The following LRBA variants were observed in gnomAD, a reference collection of about 807,000 sequenced individuals.
The protein encoded by LRBA is LPS responsive beige-like anchor protein, also known as lipopolysaccharide-responsive and beige-like anchor protein.
In LRBA, 176 loss-of-function variants were observed where a neutral mutation model predicts 330.0. The observed-to-expected ratio is 0.53, with a 90% CI of 0.47 to 0.60. The LOEUF (loss-of-function observed/expected upper bound fraction) is 0.60. Ranked by LOEUF, LRBA falls within the 20% of genes least tolerant of loss-of-function variation. The pLI, the probability that LRBA is intolerant of heterozygous loss-of-function variation, is 0.00. For missense variants in LRBA, 3,259 were observed against 3,444.8 expected, an observed-to-expected ratio of 0.95 and a Z score of 1.35; for synonymous variants, 1,230 against 1,193.0, an observed-to-expected ratio of 1.03 and a Z score of -0.64.
intron 44 of LRBA, among the ~76,000 whole-genome samples, chr4:150,453,814 G>C (rs1378917385): frequency 6.6e-6 from 1 of 152,112 alleles, no homozygotes; most frequent in Admixed American, 6.5e-5. Flanking sequence ...ACACCAGCAA[G>C]TGTTATACAT....
At chr4:150,850,927 T>C (rs1472031165) in intron 23 of LRBA, 25 bp from the exon 24 acceptor site, 3 of 1,556,946 alleles carry the variant, frequency 1.9e-6, no homozygotes, top group Non-Finnish European at 1.8e-6. Flanking sequence ...TAAAAAGTAA[T>C]AAAATAGGTT....
At chr4:150,622,708 T>G (rs1383933145) in intron 37 of LRBA, among the ~76,000 whole-genome samples, 1 of 48,888 alleles carries the variant, frequency 2.0e-5, no homozygotes, top group East Asian at 9.2e-4. Flanking sequence ...TTTTTTTTTT[T>G]TTTTTTTTGA....
chr4:150,900,108 T>C lies in LRBA; in HGVS notation c.1865A>G (p.Lys622Arg), dbSNP rs145051647. ...AGGATTCACTGCCCAGTAGTAGTAC[T>C]TCAGCGTGTGCATGATGAGAAGCAC... Reference protein sequence around the residue: ...GTVLLIMHTLKYYYWAVNPQD... With the variant: ...GTVLLIMHTLRYYYWAVNPQD... The change falls in exon 14 of 57, where the codon AAG becomes AGG. Residue 622 changes from lysine to arginine, a missense_variant. Transcript: ENST00000651943. 2.0e-5 allele frequency: 32 copies of C among 1,613,452 alleles called. No homozygotes were observed. The African/African-American group carries it at 3.3e-4, about 17-fold the overall frequency.
intron 47 of LRBA, among the ~76,000 whole-genome samples, 178 bp from the exon 48 acceptor site, chr4:150,350,337 C>T (rs1433737292): frequency 1.3e-5 from 2 of 152,024 alleles, no homozygotes; most frequent in African/African-American, 2.4e-5. Context: ...TCTGGGAGGC[C>T]GAGGTGGGCA....
At chr4:150,469,403 A>T (rs1755828869) in intron 43 of LRBA, among the ~76,000 whole-genome samples, 1 of 152,178 alleles carries the variant, frequency 6.6e-6, no homozygotes, top group South Asian at 2.1e-4. Context: ...TACTTAAAGG[A>T]CACTGCAGGC....
intron 13 of LRBA, 89 bp downstream of exon 13, chr4:150,905,749 A>G: frequency 8.2e-7 from 1 of 1,226,134 alleles, no homozygotes; most frequent in Non-Finnish European, 1.1e-6. Context: ...TAGTACATAA[A>G]AAAAAGAAAA....
chr4:150,789,249 A>G (rs890751212), intron 34 of LRBA, among the ~76,000 whole-genome samples: 1 of 152,146 alleles, frequency 6.6e-6, no homozygotes, highest in Non-Finnish European at 1.5e-5. Context: ...AGTACTAGAA[A>G]ACCAAATAAA....
At chr4:150,634,576 A>G (rs1314680826) in intron 37 of LRBA, among the ~76,000 whole-genome samples, 1 of 152,226 alleles carries the variant, frequency 6.6e-6, no homozygotes, top group Non-Finnish European at 1.5e-5. Context: ...GTCCATTTGA[A>G]CAGTAATAAG....
chr4:150,491,045 A>G lies in LRBA; in HGVS notation c.6331-10T>C. 1.5e-6 allele frequency: 2 copies of G among 1,373,316 alleles called. No homozygotes were observed. The highest frequency in any genetic ancestry group is 2.0e-6 in the Non-Finnish European group (2 of 986,018). The allele number at this position is 1,373,316 out of a possible 1,614,324, so 85.1% of individuals were successfully genotyped here. On this transcript the variant is annotated splice_polypyrimidine_tract_variant and intron_variant, in intron 40 of 56. Transcript: ENST00000651943. ...CTGTATATGCCAAGATCTAATGAGG[A>G]AAAAAATAATCCCAGGTAAGTAACA...
At chr4:150,650,843 T>C (rs1486031680) in intron 37 of LRBA, among the ~76,000 whole-genome samples, 2 of 152,126 alleles carry the variant, frequency 1.3e-5, no homozygotes, top group African/African-American at 4.8e-5. Flanking sequence ...ATCCATATTA[T>C]AATCCTTCCA....
At chr4:150,776,349 A>G (rs1737328361) in intron 34 of LRBA, among the ~76,000 whole-genome samples, 1 of 152,164 alleles carries the variant, frequency 6.6e-6, no homozygotes, top group Non-Finnish European at 1.5e-5. Context: ...TAGTAATTCA[A>G]GCATATCACT....
At chr4:150,998,981 G>A (rs894206357) in intron 2 of LRBA, among the ~76,000 whole-genome samples, 8 of 152,092 alleles carry the variant, frequency 5.3e-5, no homozygotes, top group Non-Finnish European at 8.8e-5. Flanking sequence ...TCATCACTTC[G>A]TTATACCTTA....
rs116082801 is a variant in LRBA, at chr4:150,885,869, T to C, written c.2165+7183A>G. On this transcript the variant is annotated intron_variant, in intron 17 of 56. Transcript: ENST00000651943. ...ATCCAGGATAAGTATCCTCTAAAAA[T>C]GGAAGCAAATAAAAGTATTCTGAGA... 4.2e-3 allele frequency among the ~76,000 whole-genome samples: 642 copies of C among 152,094 alleles called. 4 individuals are homozygous for C. The highest frequency in any genetic ancestry group is 0.015 in the African/African-American group (620 of 41,474).
chr4:150,813,686 G>A (rs1744127622), intron 31 of LRBA, among the ~76,000 whole-genome samples: 1 of 152,006 alleles, frequency 6.6e-6, no homozygotes, highest in Admixed American at 6.6e-5. Context: ...CATGTAAAAT[G>A]TGTCTCATTT....
At chr4:150,721,972 T>TG (rs1038647931) in intron 36 of LRBA, among the ~76,000 whole-genome samples, 12 of 152,294 alleles carry the variant, frequency 7.9e-5, no homozygotes, top group African/African-American at 2.9e-4. Context: ...GGCATGTCCT[T>TG]GGTCTGTGTT....
At position 150,871,369 on chromosome 4, in the gene LRBA, C is replaced by A; in HGVS notation, c.2343G>T (p.Met781Ile). The A allele has an allele frequency of 3.1e-6, 5 of 1,609,032 alleles. No individual in the cohort carries two copies. Among genetic ancestry groups the A allele is most frequent in the South Asian group, 1.1e-5 (1 of 90,744 alleles). Residue 781 changes from methionine to isoleucine, a missense_variant, in exon 19 of 57, where the codon ATG becomes ATT. Coordinates refer to ENST00000651943, the MANE Select transcript of LRBA (RefSeq NM_001364905.1). The part of the protein sequence containing the change: ...RLMLQTNLIT[M>I]TTYNVLFEIL... ...CCTCAAACAGCACATTATATGTGGTCATTGTGATTAAATTTGTCTGAAGCA... is the reference window on the plus strand; with the variant it reads ...CCTCAAACAGCACATTATATGTGGTAATTGTGATTAAATTTGTCTGAAGCA...
intron 36 of LRBA, among the ~76,000 whole-genome samples, chr4:150,727,531 G>T (rs1028623906): frequency 5.9e-5 from 9 of 151,998 alleles, no homozygotes; most frequent in Non-Finnish European, 1.3e-4. Flanking sequence ...TGACCACAAT[G>T]AAATATAACT....
At chr4:150,320,181 G>C (rs1369674276) in intron 50 of LRBA, among the ~76,000 whole-genome samples, 2 of 152,066 alleles carry the variant, frequency 1.3e-5, no homozygotes, top group African/African-American at 4.8e-5. Flanking sequence ...GAGAAAACCT[G>C]GGCTCAAACT....
At chr4:150,476,682 G>A (rs1038890865) in intron 42 of LRBA, among the ~76,000 whole-genome samples, 4 of 152,156 alleles carry the variant, frequency 2.6e-5, no homozygotes, top group Admixed American at 6.6e-5. Flanking sequence ...TAGAAAAAAG[G>A]AAATGCCTGA....
Sources: gnomAD v4.1 joint callset for allele counts (sites outside exome capture counted in the v4.1 genomes callset) on GRCh38, gnomAD v4.1.1 for gene constraint, MANE v1.5 for transcripts, NCBI Gene and HGNC (gene_info 2026-07-23, HGNC 2026-07-21) for gene names.